The following L2HGDH variants were observed in gnomAD, a reference collection of about 807,000 sequenced individuals.
L2HGDH encodes the protein L-2-hydroxyglutarate dehydrogenase.
In L2HGDH, 34 loss-of-function variants were observed where a neutral mutation model predicts 51.5. The ratio of observed to expected loss-of-function variants is 0.66; its 90% CI spans 0.50 to 0.88. The LOEUF is 0.88. Among genes scored for constraint, L2HGDH ranks in the 40% least tolerant of loss-of-function variants. The pLI, the probability that L2HGDH is intolerant of heterozygous loss-of-function variation, is 0.00. For synonymous variants in L2HGDH, 198 were observed against 197.9 expected, an observed-to-expected ratio of 1.00 and a Z score of -0.01; for missense variants, 558 against 571.9, an observed-to-expected ratio of 0.98 and a Z score of 0.25.
At chr14:50,308,735 T>C (rs2030878999) in intron 1 of L2HGDH, among the ~76,000 whole-genome samples, 1 of 152,222 alleles carries the variant, frequency 6.6e-6, no homozygotes, top group Non-Finnish European at 1.5e-5. Context: ...ACTTACTACA[T>C]GACTCAGTAA....
intron 5 of L2HGDH, among the ~76,000 whole-genome samples, chr14:50,279,914 G>A (rs1168229633): frequency 6.6e-6 from 1 of 151,750 alleles, no homozygotes; most frequent in Non-Finnish European, 1.5e-5. Flanking sequence ...TACAAAATTA[G>A]CTGGGCATGG....
intron 9 of L2HGDH, among the ~76,000 whole-genome samples, chr14:50,256,747 G>A (rs1888688271): frequency 6.6e-6 from 1 of 151,394 alleles, no homozygotes; most frequent in African/African-American, 2.4e-5. Flanking sequence ...CTACTAAATT[G>A]GAAATCTATT....
At chr14:50,311,894 A>AC in intron 1 of L2HGDH, 117 bp downstream of exon 1, 2 of 1,398,646 alleles carry the variant, frequency 1.4e-6, no homozygotes, top group Non-Finnish European at 1.9e-6. Flanking sequence ...GTGCCACAGG[A>AC]CCCCAACCTG....
chr14:50,243,673 A>T lies in L2HGDH; in HGVS notation c.*3385T>A, dbSNP rs902074329. On this transcript the variant is annotated 3_prime_UTR_variant, in exon 10 of 10. Coordinates refer to ENST00000267436, the MANE Select transcript of L2HGDH (RefSeq NM_024884.3). ...ATTTTTCAGGGTATTTTATATATAT[A>T]TATATATATATATTGTTTATTATTA... The T allele has an allele frequency of 1.1e-4, 24 of 223,014 alleles. No homozygotes were observed. Among genetic ancestry groups the T allele is most frequent in the African/African-American group, 5.2e-4 (22 of 42,630 alleles). 13.8% of individuals were successfully genotyped at this position (223,014 alleles called of 1,614,324 possible). A position where few individuals can be genotyped will look rare whatever the true frequency, so the allele number is the denominator to read the frequency against.
At chr14:50,296,005 C>A (rs2030022160) in intron 3 of L2HGDH, among the ~76,000 whole-genome samples, 1 of 151,948 alleles carries the variant, frequency 6.6e-6, no homozygotes, top group Admixed American at 6.6e-5. Context: ...TCCCAAAGTG[C>A]TGGGATTACA....
At chr14:50,292,479 G>T (rs914199593) in intron 4 of L2HGDH, among the ~76,000 whole-genome samples, 1 of 152,250 alleles carries the variant, frequency 6.6e-6, no homozygotes, top group African/African-American at 2.4e-5. Context: ...GGCCGAGGCT[G>T]GAGGATCACC....
At chr14:50,250,114 C>CTGG (rs1351669744) in intron 9 of L2HGDH, among the ~76,000 whole-genome samples, 4 of 152,112 alleles carry the variant, frequency 2.6e-5, no homozygotes, top group Admixed American at 2.6e-4. Context: ...GGTGGCCAGG[C>CTGG]TGGTCTCGAA....
intron 9 of L2HGDH, among the ~76,000 whole-genome samples, chr14:50,263,034 C>T (rs1426687334): frequency 1.3e-5 from 2 of 152,178 alleles, no homozygotes; most frequent in South Asian, 4.1e-4. Context: ...TAACCACAAG[C>T]CCGAAGTCCA....
At chr14:50,286,486 C>A (rs543218727) in intron 4 of L2HGDH, among the ~76,000 whole-genome samples, 19 of 152,234 alleles carry the variant, frequency 1.2e-4, no homozygotes, top group Admixed American at 2.0e-4. Flanking sequence ...TTTAGAGCTG[C>A]CTTGGTAAAC....
At chr14:50,298,323 T>C (rs1035218346) in intron 3 of L2HGDH, among the ~76,000 whole-genome samples, 1 of 148,866 alleles carries the variant, frequency 6.7e-6, no homozygotes, top group Non-Finnish European at 1.5e-5. Context: ...TGGGAGGACT[T>C]TTTTTTTTTG....
In L2HGDH at chr14:50,304,410, G is replaced by A. The variant is rs929783968; in HGVS notation, c.141-1393C>T. Among the ~76,000 whole-genome samples the A allele has an allele frequency of 5.3e-5, 8 of 152,214 alleles. No individual in the cohort carries two copies. The East Asian group carries it at 1.2e-3, about 22-fold the overall frequency. On this transcript the variant is annotated intron_variant, in intron 1 of 9. Coordinates refer to ENST00000267436, the MANE Select transcript of L2HGDH (RefSeq NM_024884.3). ...CATTAAAGCTTTAACACTTTAGTGT[G>A]CAAGAATTTTTACAAGTTTTTCTTT...
At position 50,312,207 on chromosome 14, in the gene L2HGDH, G is replaced by A. The variant is rs1656973448; in HGVS notation, c.-57C>T. 2 of 1,595,250 alleles carry A rather than the reference G, an allele frequency of 1.3e-6. No individual in the cohort carries two copies. Among genetic ancestry groups the A allele is most frequent in the Non-Finnish European group, 1.7e-6 (2 of 1,174,492 alleles). On this transcript the variant is annotated 5_prime_UTR_variant, in exon 1 of 10. Transcript: ENST00000267436. ...AGAAGAAGCCACTTGACCCTCCACGGCCGAGGACCCGCGCTCTTTAGCCCC... is the reference window on the plus strand; with the variant it reads ...AGAAGAAGCCACTTGACCCTCCACGACCGAGGACCCGCGCTCTTTAGCCCC...
intron 3 of L2HGDH, among the ~76,000 whole-genome samples, chr14:50,301,309 T>C (rs2030394955): frequency 6.6e-6 from 1 of 152,178 alleles, no homozygotes. Flanking sequence ...AATCCAGCAA[T>C]TCCCCTCCCA....
At chr14:50,264,800 T>C (rs541994164) in intron 9 of L2HGDH, among the ~76,000 whole-genome samples, 39 of 152,096 alleles carry the variant, frequency 2.6e-4, no homozygotes, top group African/African-American at 9.4e-4. Flanking sequence ...ATGTGGGTGA[T>C]AAAATAATAT....
chr14:50,270,528 C>T (rs1421607359), intron 6 of L2HGDH, among the ~76,000 whole-genome samples: 3 of 151,362 alleles, frequency 2.0e-5, no homozygotes, highest in Admixed American at 6.6e-5. Flanking sequence ...TGTTTTGAGA[C>T]GGAGCCTCAC....
intron 6 of L2HGDH, among the ~76,000 whole-genome samples, 181 bp from the exon 7 acceptor site, chr14:50,269,511 G>C (rs972434245): frequency 1.3e-5 from 2 of 152,150 alleles, no homozygotes; most frequent in African/African-American, 4.8e-5. Context: ...TAGAAACTTA[G>C]GATAGTGGCA....
At chr14:50,287,539 G>C (rs1890625822) in intron 4 of L2HGDH, among the ~76,000 whole-genome samples, 1 of 151,610 alleles carries the variant, frequency 6.6e-6, no homozygotes, top group Non-Finnish European at 1.5e-5. Flanking sequence ...AAATTAAAAG[G>C]TTTTAAAAAT....
At chr14:50,311,640 T>G (rs1047393943) in intron 1 of L2HGDH, among the ~76,000 whole-genome samples, 1 of 152,176 alleles carries the variant, frequency 6.6e-6, no homozygotes, top group Non-Finnish European at 1.5e-5. Flanking sequence ...GCATATTTGA[T>G]TGCTTATACT....
intron 5 of L2HGDH, among the ~76,000 whole-genome samples, 179 bp from the exon 6 acceptor site, chr14:50,278,733 T>C (rs749667078): frequency 2.0e-5 from 3 of 152,222 alleles, no homozygotes; most frequent in Non-Finnish European, 4.4e-5. Flanking sequence ...TAACAACATA[T>C]AAAACTCCAG....
Sources: allele counts gnomAD v4.1 joint callset (sites outside exome capture counted in the v4.1 genomes callset), GRCh38; gene constraint gnomAD v4.1.1; transcripts MANE v1.5; gene names NCBI Gene and HGNC (gene_info 2026-07-23, HGNC 2026-07-21).